The following P3H2 variants were observed in gnomAD, a reference collection of about 807,000 sequenced individuals.
P3H2 encodes leprecan-like 1.
A neutral mutation model predicts 87.0 loss-of-function variants in P3H2; 80 were observed. The observed-to-expected ratio is 0.92, with a 90% confidence interval of 0.77 to 1.11. The LOEUF is 1.11. Among genes scored for constraint, P3H2 ranks in the 50% least tolerant of loss-of-function variants. The pLI is 0.00. For missense variants in P3H2, 1,001 were observed against 923.9 expected (o/e 1.08, Z -1.08); for synonymous variants, 367 against 359.3 (o/e 1.02, Z -0.24).
At chr3:189,978,537 T>C (rs710550) in intron 8 of P3H2, among the ~76,000 whole-genome samples, 33,512 of 152,106 alleles carry the variant, frequency 0.22, 3,893 homozygotes, top group Non-Finnish European at 0.27. Flanking sequence ...GAGTCTTCAA[T>C]ATCTGAATCT....
At chr3:190,114,655 T>G (rs1712219723) in intron 1 of P3H2, among the ~76,000 whole-genome samples, 1 of 152,142 alleles carries the variant, frequency 6.6e-6, no homozygotes, top group Non-Finnish European at 1.5e-5. Flanking sequence ...GAACAATCTC[T>G]CAGGTTTTCT....
chr3:189,962,176 T>C (rs1722838567), intron 14 of P3H2, among the ~76,000 whole-genome samples: 1 of 144,716 alleles, frequency 6.9e-6, no homozygotes, highest in African/African-American at 2.5e-5. Context: ...TTTTTTTTTT[T>C]TTTTTTTTTA....
chr3:190,062,348 C>A (rs1726355968), intron 1 of P3H2, among the ~76,000 whole-genome samples: 1 of 152,104 alleles, frequency 6.6e-6, no homozygotes, highest in Non-Finnish European at 1.5e-5. Context: ...AAATCCCCTC[C>A]CATCACAATC....
chr3:189,991,882 A>G (rs1723887360), intron 3 of P3H2, among the ~76,000 whole-genome samples: 1 of 152,224 alleles, frequency 6.6e-6, no homozygotes, highest in South Asian at 2.1e-4. Flanking sequence ...AAACCAGAAC[A>G]GGACATGAAG....
chr3:189,962,109 ACT>A (rs1722832389), intron 14 of P3H2, among the ~76,000 whole-genome samples: 1 of 142,290 alleles, frequency 7.0e-6, no homozygotes, highest in Non-Finnish European at 1.5e-5. Context: ...GGTTTTCAGG[ACT>A]CTGTGCTCTG....
At chr3:189,970,641 G>A (rs1022268941) in intron 13 of P3H2, among the ~76,000 whole-genome samples, 175 bp downstream of exon 13, 1 of 151,994 alleles carries the variant, frequency 6.6e-6, no homozygotes, top group African/African-American at 2.4e-5. Context: ...CAACGTACTA[G>A]ATTTTTATGG....
chr3:190,002,014 TA>T (rs1301097912), intron 1 of P3H2, among the ~76,000 whole-genome samples: 2 of 152,220 alleles, frequency 1.3e-5, no homozygotes, highest in African/African-American at 4.8e-5. Flanking sequence ...TTACAGTATT[TA>T]AATGTAAAGT....
chr3:190,074,411 TG>T (rs1338730822), intron 1 of P3H2, among the ~76,000 whole-genome samples: 3 of 152,112 alleles, frequency 2.0e-5, no homozygotes, highest in Admixed American at 1.3e-4. Flanking sequence ...CTCCAGAAGC[TG>T]AGGCAGGAGA....
rs1334925922 is a variant in P3H2, at chr3:189,957,996, T to C, written c.2043A>G (p.Ile681Met). 7 of 1,612,704 alleles carry C rather than the reference T, an allele frequency of 4.3e-6. No individual in the cohort carries two copies. The highest frequency in any genetic ancestry group is 5.9e-6 in the Non-Finnish European group (7 of 1,178,766). Residue 681 changes from isoleucine to methionine, a missense_variant, in exon 15 of 15, where the codon ATA (isoleucine) becomes ATG (methionine). Transcript: ENST00000319332. ...GAATTGCAATCACTTCATCAGCCTG[T>C]ATTCGCTCCTGCAAAAAAGACAATT... is the stretch of plus-strand genomic sequence containing the variant. ...LDPLYRELER[I>M]QADEVIAILD...
intron 7 of P3H2, 86 bp from the exon 8 acceptor site, chr3:189,983,226 G>T: frequency 1.0e-6 from 1 of 985,540 alleles, no homozygotes; most frequent in Non-Finnish European, 1.6e-6. Flanking sequence ...GGTAGTCTGT[G>T]ACTCTATATT....
chr3:189,992,246 C>A (rs1311382918), intron 3 of P3H2, among the ~76,000 whole-genome samples: 1 of 152,078 alleles, frequency 6.6e-6, no homozygotes, highest in Non-Finnish European at 1.5e-5. Flanking sequence ...AGGCACCCAC[C>A]ACCACACCTG....
At position 190,047,100 on chromosome 3, in the gene P3H2, C is replaced by G. The variant is rs553131214; in HGVS notation, c.481-51658G>C. Reference sequence around the variant, plus strand: ...GGGCAAAAGATCGGAATAGACATTTCTTAAAAGAAGACATACAAATGACCA... The same window carrying G: ...GGGCAAAAGATCGGAATAGACATTTGTTAAAAGAAGACATACAAATGACCA... On this transcript the variant is annotated intron_variant, in intron 1 of 14. Transcript: ENST00000319332. 7.2e-5 allele frequency among the ~76,000 whole-genome samples: 11 copies of G among 152,208 alleles called. No individual in the cohort carries two copies. The South Asian group carries it at 2.3e-3, about 32-fold the overall frequency.
At chr3:190,018,780 A>G (rs1724847258) in intron 1 of P3H2, among the ~76,000 whole-genome samples, 1 of 152,228 alleles carries the variant, frequency 6.6e-6, no homozygotes, top group African/African-American at 2.4e-5. Context: ...AGATATAGGC[A>G]TAAGAGGGAA....
At position 190,055,476 on chromosome 3, in the gene P3H2, A is replaced by G. The variant is rs116296238; in HGVS notation, c.481-60034T>C. Among the ~76,000 whole-genome samples, 3 of 152,072 alleles carry G rather than the reference A, an allele frequency of 2.0e-5. No individual in the cohort carries two copies. In the South Asian group the frequency reaches 6.2e-4, roughly 32 times the overall value. Reference sequence around the variant, plus strand: ...ATTATAACAAGAATCTTTAGATATTAAACAAAATGTGAAAAAAAAAATTGG... The same window carrying G: ...ATTATAACAAGAATCTTTAGATATTGAACAAAATGTGAAAAAAAAAATTGG... On this transcript the variant is annotated intron_variant, in intron 1 of 14. Transcript: ENST00000319332.
intron 1 of P3H2, among the ~76,000 whole-genome samples, chr3:190,019,877 T>A (rs1577277070): frequency 7.8e-6 from 1 of 128,292 alleles, no homozygotes; most frequent in African/African-American, 2.7e-5. Flanking sequence ...CTTGTCTCCA[T>A]CCTGATGACA....
intron 1 of P3H2, among the ~76,000 whole-genome samples, chr3:190,047,545 G>T (rs114490731): frequency 0.015 from 2,232 of 152,260 alleles, 40 homozygotes; most frequent in African/African-American, 0.049. Flanking sequence ...GCAAATGACA[G>T]GGTTGTATTC....
chr3:190,060,108 A>G (rs1360028976), intron 1 of P3H2, among the ~76,000 whole-genome samples: 1 of 152,208 alleles, frequency 6.6e-6, no homozygotes, highest in East Asian at 1.9e-4. Flanking sequence ...TGCCTGAAAA[A>G]TACCCAGGTT....
intron 1 of P3H2, among the ~76,000 whole-genome samples, chr3:190,002,688 C>A (rs1178719746): frequency 6.6e-6 from 1 of 152,152 alleles, no homozygotes; most frequent in South Asian, 2.1e-4. Context: ...CGTGAGCCAC[C>A]GTGCCCGGCA....
intron 1 of P3H2, among the ~76,000 whole-genome samples, chr3:190,050,599 T>A (rs750641164): frequency 2.6e-5 from 4 of 152,184 alleles, no homozygotes; most frequent in Non-Finnish European, 5.9e-5. Flanking sequence ...TGTGGCTAAG[T>A]CAATTCTCTA....
Sources: gnomAD v4.1 joint callset for allele counts (sites outside exome capture counted in the v4.1 genomes callset) on GRCh38, gnomAD v4.1.1 for gene constraint, MANE v1.5 for transcripts, NCBI Gene and HGNC (gene_info 2026-07-23, HGNC 2026-07-21) for gene names.